The following PLEKHA5 variants were observed in gnomAD, a reference collection of about 807,000 sequenced individuals.
PLEKHA5 encodes pleckstrin homology domain containing A5.
A neutral mutation model predicts 181.9 loss-of-function variants in PLEKHA5; 55 were observed. The ratio of observed to expected loss-of-function variants is 0.30; its 90% confidence interval spans 0.24 to 0.38. The LOEUF (loss-of-function observed/expected upper bound fraction) is 0.38, where lower values mean the gene tolerates loss of function less well. Ranked by LOEUF, PLEKHA5 falls within the 10% of genes least tolerant of loss-of-function variation. The pLI is 1.00. For synonymous variants in PLEKHA5, 535 were observed against 529.4 expected, an observed-to-expected ratio of 1.01 and a Z score of -0.15; for missense variants, 1,432 against 1,549.5, an observed-to-expected ratio of 0.92 and a Z score of 1.27.
At chr12:19,293,430 G>A (rs1436913785) in intron 15 of PLEKHA5, among the ~76,000 whole-genome samples, 1 of 152,116 alleles carries the variant, frequency 6.6e-6, no homozygotes, top group East Asian at 1.9e-4. Flanking sequence ...TCAATCCAGA[G>A]ATTGAGGCTA....
intron 7 of PLEKHA5, among the ~76,000 whole-genome samples, chr12:19,263,173 TA>T (rs762885077): frequency 6.9e-6 from 1 of 145,722 alleles, no homozygotes; most frequent in African/African-American, 2.6e-5. Context: ...ATAGCCTATA[TA>T]TTTTTTTTTG....
In PLEKHA5 at chr12:19,322,676, A is replaced by T. The variant is rs748285786; in HGVS notation, c.2448+9A>T. ...TTTCTCGAGCCACTGCCGTAAGTAG[A>T]TTTTTTTTTTCCCCTAATAAAAGTA... On this transcript the variant is annotated intron_variant, in intron 20 of 31. Coordinates refer to ENST00000429027, the MANE Select transcript of PLEKHA5 (RefSeq NM_001256470.2). 118 of 1,526,802 alleles carry T rather than the reference A, an allele frequency of 7.7e-5. 2 individuals are homozygous for T. In the South Asian group the frequency reaches 1.4e-3, roughly 18 times the overall value. The allele number at this position is 1,526,802 out of a possible 1,614,324, so 94.6% of individuals were successfully genotyped here.
chr12:19,316,344 G>A (rs763752176), intron 16 of PLEKHA5, among the ~76,000 whole-genome samples: 5 of 151,956 alleles, frequency 3.3e-5, no homozygotes, highest in Non-Finnish European at 5.9e-5. Flanking sequence ...GGATGCGGAA[G>A]TCTGATAGTT....
At chr12:19,157,473 GT>G (rs1053973387) in intron 3 of PLEKHA5, among the ~76,000 whole-genome samples, 63 of 144,236 alleles carry the variant, frequency 4.4e-4, no homozygotes, top group Middle Eastern at 3.6e-3. Flanking sequence ...TAATAAGTGG[GT>G]TTTTTTTTTT....
chr12:19,246,140 G>A (rs972030556), intron 3 of PLEKHA5, among the ~76,000 whole-genome samples: 3 of 150,732 alleles, frequency 2.0e-5, no homozygotes, highest in Admixed American at 6.6e-5. Flanking sequence ...CACCACACCC[G>A]GTTAACTTTT....
intron 3 of PLEKHA5, among the ~76,000 whole-genome samples, chr12:19,225,301 T>G (rs1376394532): frequency 6.6e-6 from 1 of 152,166 alleles, no homozygotes; most frequent in Non-Finnish European, 1.5e-5. Flanking sequence ...GTCCTTTTCA[T>G]AACGTTCCTC....
intron 3 of PLEKHA5, among the ~76,000 whole-genome samples, chr12:19,191,605 T>C (rs1480345871): frequency 1.3e-5 from 2 of 152,288 alleles, no homozygotes; most frequent in East Asian, 1.9e-4. Flanking sequence ...ATATCAGCTG[T>C]TTTCTCAAAT....
intron 3 of PLEKHA5, among the ~76,000 whole-genome samples, chr12:19,253,118 A>G (rs992245537): frequency 9.8e-6 from 1 of 101,808 alleles, no homozygotes; most frequent in Non-Finnish European, 1.9e-5. Flanking sequence ...TCTGTTGCCC[A>G]GAGTGGAGTG....
intron 3 of PLEKHA5, among the ~76,000 whole-genome samples, chr12:19,182,727 T>G (rs1349360249): frequency 6.6e-6 from 1 of 152,140 alleles, no homozygotes; most frequent in East Asian, 1.9e-4. Flanking sequence ...TGCTTAGAAA[T>G]AAACAAAAAT....
intron 15 of PLEKHA5, among the ~76,000 whole-genome samples, chr12:19,294,248 A>C (rs2079195539): frequency 6.6e-6 from 1 of 152,150 alleles, no homozygotes; most frequent in Non-Finnish European, 1.5e-5. Context: ...TTTTATTAAA[A>C]ATTTATGATT....
intron 3 of PLEKHA5, among the ~76,000 whole-genome samples, chr12:19,195,314 C>T (rs1287874459): frequency 6.6e-6 from 1 of 151,798 alleles, no homozygotes; most frequent in African/African-American, 2.4e-5. Flanking sequence ...TCTTTTCTTT[C>T]TTTTTAATTG....
Position 19,322,319 on chromosome 12 carries a change from A to G in PLEKHA5, c.2227A>G (p.Ser743Gly). 6.2e-7 allele frequency: 1 copy of G among 1,612,618 alleles called. No homozygotes were observed. Among genetic ancestry groups the G allele is most frequent in the African/African-American group, 1.3e-5 (1 of 75,032 alleles). ...PEEVDIDAKL[S>G]RLCEQDKVVH... Reference sequence around the variant, plus strand: ...TTCTCTTATAACCTAGGCCAAGTTAAGCCGATTATGTGAACAAGATAAAGT... The same window carrying G: ...TTCTCTTATAACCTAGGCCAAGTTAGGCCGATTATGTGAACAAGATAAAGT... The change falls in exon 19 of 32, where the codon AGC becomes GGC. Residue 743 changes from serine to glycine, a missense_variant. By Grantham distance (56) the Ser-to-Gly change is moderately conservative. This residue lies in a region of PLEKHA5 where 1,143 missense variants were observed against 1,168.4 expected (regional missense o/e 0.98). Coordinates refer to ENST00000429027, the MANE Select transcript of PLEKHA5 (RefSeq NM_001256470.2).
At chr12:19,198,715 A>G (rs2053526245) in intron 3 of PLEKHA5, among the ~76,000 whole-genome samples, 1 of 151,122 alleles carries the variant, frequency 6.6e-6, no homozygotes, top group Non-Finnish European at 1.5e-5. Flanking sequence ...AATACTTAAG[A>G]TATTAACTAT....
In PLEKHA5 at chr12:19,353,874, TA is replaced by T; in HGVS notation, c.3020-8del. 7.5e-7 allele frequency: 1 copy of T among 1,329,488 alleles called. No individual in the cohort carries two copies. The highest frequency in any genetic ancestry group is 1.1e-6 in the Non-Finnish European group (1 of 923,582). The allele number at this position is 1,329,488 out of a possible 1,614,324, so 82.4% of individuals were successfully genotyped here. A position where few individuals can be genotyped will look rare whatever the true frequency, so the allele number is the denominator to read the frequency against. On this transcript the variant is annotated splice_polypyrimidine_tract_variant and intron_variant, in intron 25 of 31. Transcript: ENST00000429027. ...TGTTTTGTAAAACTTACTGCTGTTT[TA>T]ATTTTTAGGTTCCCACTTTCCTGTT...
intron 3 of PLEKHA5, 113 bp from the exon 4 acceptor site, chr12:19,253,826 CA>C (rs1247690846): frequency 9.3e-4 from 682 of 735,258 alleles, no homozygotes; most frequent in Middle Eastern, 1.1e-3. Flanking sequence ...GTCTCAAAAA[CA>C]AAAAAAAAGG....
At chr12:19,326,270 A>G (rs1210817199) in intron 20 of PLEKHA5, among the ~76,000 whole-genome samples, 1 of 152,194 alleles carries the variant, frequency 6.6e-6, no homozygotes, top group African/African-American at 2.4e-5. Flanking sequence ...TAAGGCTGCA[A>G]ATGTTAGCAT....
chr12:19,365,898 A>C, intron 29 of PLEKHA5, 66 bp from the exon 30 acceptor site: 1 of 1,112,900 alleles, frequency 9.0e-7, no homozygotes, highest in Non-Finnish European at 1.3e-6. Context: ...CTTTTATAAC[A>C]AAAAAAAGAA....
At chr12:19,255,013 G>A (rs370336520) in intron 4 of PLEKHA5, 32 bp from the exon 5 acceptor site, 43 of 1,585,402 alleles carry the variant, frequency 2.7e-5, no homozygotes, top group Admixed American at 3.4e-5. Flanking sequence ...TACATACACA[G>A]CAAGTTCTAG....
intron 3 of PLEKHA5, among the ~76,000 whole-genome samples, chr12:19,241,744 G>C (rs1347347958): frequency 1.4e-5 from 2 of 138,956 alleles, no homozygotes; most frequent in Non-Finnish European, 3.1e-5. Context: ...CTGGGTAATA[G>C]AGTGAGATTC....
Sources: gnomAD v4.1 joint callset for allele counts (sites outside exome capture counted in the v4.1 genomes callset) on GRCh38, gnomAD v4.1.1 for gene constraint, gnomAD v4.1.1 regional missense constraint, MANE v1.5 for transcripts, NCBI Gene and HGNC (gene_info 2026-07-23, HGNC 2026-07-21) for gene names.